Variants in ADGRB3 observed in about 807,000 individuals in gnomAD.
The protein encoded by ADGRB3 is brain-specific angiogenesis inhibitor 3.
A neutral mutation model predicts 193.4 loss-of-function variants in ADGRB3; 37 were observed. That is an observed-to-expected ratio of 0.19 (90% CI 0.15 to 0.25). ADGRB3 has a LOEUF of 0.25. Among genes scored for constraint, ADGRB3 ranks in the 10% least tolerant of loss-of-function variants. ADGRB3 has a pLI of 1.00. For missense variants in ADGRB3, 1,637 were observed against 1,852.9 expected, an observed-to-expected ratio of 0.88 and a Z score of 2.14; for synonymous variants, 690 against 644.2, an observed-to-expected ratio of 1.07 and a Z score of -1.08.
chr6:69,218,018 A>G (rs1367914891), intron 17 of ADGRB3, among the ~76,000 whole-genome samples: 3 of 151,564 alleles, frequency 2.0e-5, no homozygotes, highest in Non-Finnish European at 2.9e-5. Context: ...ATTTTTGCAT[A>G]TAACATTAAC....
intron 17 of ADGRB3, among the ~76,000 whole-genome samples, chr6:69,232,099 T>C (rs57060484): frequency 1.6e-3 from 241 of 152,298 alleles, no homozygotes; most frequent in African/African-American, 5.4e-3. Flanking sequence ...TCTTAGAGTT[T>C]TGAAGTAATT....
intron 17 of ADGRB3, among the ~76,000 whole-genome samples, chr6:69,217,638 C>A (rs1765795140): frequency 6.6e-6 from 1 of 152,184 alleles, no homozygotes; most frequent in Admixed American, 6.5e-5. Context: ...CATCTCAACT[C>A]TGGTTGGGCA....
chr6:69,301,553 T>A lies in ADGRB3; in HGVS notation c.2815-23319T>A, dbSNP rs564904519. ...ATTTTTCATCATGTTTAGTGCAATA[T>A]TGTAAATCTTGAATAACACCATGGG... On this transcript the variant is annotated intron_variant, in intron 20 of 31. Transcript: ENST00000370598. Among the ~76,000 whole-genome samples, 14 of 152,030 alleles carry A rather than the reference T, an allele frequency of 9.2e-5. No homozygotes were observed. In the South Asian group the frequency reaches 2.9e-3, roughly 31 times the overall value.
intron 3 of ADGRB3, among the ~76,000 whole-genome samples, chr6:68,810,332 C>G (rs1186147158): frequency 1.3e-5 from 2 of 152,178 alleles, no homozygotes; most frequent in African/African-American, 2.4e-5. Flanking sequence ...CCAACCCCAA[C>G]CCAAATGAGA....
chr6:69,148,911 G>C (rs1157900536), intron 17 of ADGRB3, among the ~76,000 whole-genome samples: 1 of 152,072 alleles, frequency 6.6e-6, no homozygotes, highest in East Asian at 1.9e-4. Context: ...CAGACATATT[G>C]GAGCTTCATT....
At chr6:69,233,506 A>T (rs888644461) in intron 18 of ADGRB3, 90 bp downstream of exon 18, 3 of 1,505,572 alleles carry the variant, frequency 2.0e-6, no homozygotes, top group Non-Finnish European at 2.7e-6. Context: ...TAAATGGGGA[A>T]ATGGAAAATG....
intron 3 of ADGRB3, among the ~76,000 whole-genome samples, chr6:68,862,689 G>GTTCAC (rs1765190720): frequency 6.6e-6 from 1 of 151,982 alleles, no homozygotes. Context: ...TAGTTTAAAG[G>GTTCAC]TCTGATATAT....
At chr6:69,214,671 A>C (rs1264559754) in intron 17 of ADGRB3, among the ~76,000 whole-genome samples, 1 of 151,830 alleles carries the variant, frequency 6.6e-6, no homozygotes, top group African/African-American at 2.4e-5. Context: ...TCAGGAGGGA[A>C]TAAGAAGTTT....
intron 3 of ADGRB3, among the ~76,000 whole-genome samples, chr6:68,666,573 G>T (rs1229912161): frequency 6.6e-6 from 1 of 151,684 alleles, no homozygotes; most frequent in East Asian, 1.9e-4. Context: ...TGTGGTTTTT[G>T]TAAATGCTCA....
rs534008688 is a variant in ADGRB3, at chr6:68,938,911, A to T, written c.1030+2231A>T. Among the ~76,000 whole-genome samples the T allele has an allele frequency of 9.9e-5, 15 of 152,260 alleles. No homozygotes were observed. The South Asian group carries it at 3.1e-3, about 32-fold the overall frequency. On this transcript the variant is annotated intron_variant, in intron 5 of 31. Coordinates refer to ENST00000370598, the MANE Select transcript of ADGRB3 (RefSeq NM_001704.3). ...ATCAGCCTGTGTTTGAATAGCCAAG[A>T]CCCTTTCAACATACAGGGATAGTAT... is the stretch of plus-strand genomic sequence containing the variant.
At chr6:69,256,638 G>A (rs1766778544) in intron 20 of ADGRB3, among the ~76,000 whole-genome samples, 1 of 152,124 alleles carries the variant, frequency 6.6e-6, no homozygotes, top group African/African-American at 2.4e-5. Flanking sequence ...ATACAATCAT[G>A]TCGTCTGCAA....
chr6:69,256,461 A>G (rs1766773847), intron 20 of ADGRB3, among the ~76,000 whole-genome samples: 2 of 151,986 alleles, frequency 1.3e-5, no homozygotes, highest in Admixed American at 1.3e-4. Context: ...TTCTCTTTGA[A>G]GCAATTGTGA....
chr6:69,073,949 G>C (rs1411594100), intron 16 of ADGRB3, among the ~76,000 whole-genome samples: 1 of 152,110 alleles, frequency 6.6e-6, no homozygotes, highest in Non-Finnish European at 1.5e-5. Context: ...ATTTGTAACA[G>C]ATCATTTTCA....
intron 17 of ADGRB3, chr6:69,232,265 T>G: frequency 2.0e-6 from 1 of 491,036 alleles, no homozygotes; most frequent in Non-Finnish European, 3.1e-6. Context: ...TTGAGCTCTA[T>G]AGCATTTTTT....
chr6:68,801,964 T>C (rs1388141376), intron 3 of ADGRB3, among the ~76,000 whole-genome samples: 1 of 152,110 alleles, frequency 6.6e-6, no homozygotes, highest in Non-Finnish European at 1.5e-5. Context: ...GCACATAATA[T>C]TGAAGCTGAC....
At chr6:69,259,292 T>C (rs1173298525) in intron 20 of ADGRB3, among the ~76,000 whole-genome samples, 1 of 152,164 alleles carries the variant, frequency 6.6e-6, no homozygotes, top group Non-Finnish European at 1.5e-5. Flanking sequence ...CTTAAAAGTC[T>C]TCAATAATTA....
At chr6:69,155,915 T>G (rs1329537658) in intron 17 of ADGRB3, among the ~76,000 whole-genome samples, 2 of 152,186 alleles carry the variant, frequency 1.3e-5, no homozygotes, top group Admixed American at 1.3e-4. Context: ...CCATTTTCAC[T>G]GATACAGCAA....
In ADGRB3 at chr6:68,720,652, A is replaced by G. The variant is rs1012837121; in HGVS notation, c.757+81220A>G. ...CATTCTTTGCATAGAATAAAGTACA[A>G]TATCTCAAATCAAGAAAAAATGAAA... On this transcript the variant is annotated intron_variant, in intron 3 of 31. Coordinates refer to ENST00000370598, the MANE Select transcript of ADGRB3 (RefSeq NM_001704.3). 2.0e-5 allele frequency among the ~76,000 whole-genome samples: 3 copies of G among 151,798 alleles called. No individual in the cohort carries two copies. The East Asian group carries it at 5.8e-4, about 29-fold the overall frequency.
In ADGRB3 at chr6:69,201,601, G is replaced by T. The variant is rs958177230; in HGVS notation, c.2481-31689G>T. Reference sequence around the variant, plus strand: ...ATTTTATTGATTCAAAATATCAAAAGTATATATTTTTATCTTCCTTATATG... The same window carrying T: ...ATTTTATTGATTCAAAATATCAAAATTATATATTTTTATCTTCCTTATATG... On this transcript the variant is annotated intron_variant, in intron 17 of 31. Coordinates refer to ENST00000370598, the MANE Select transcript of ADGRB3 (RefSeq NM_001704.3). 2.6e-5 allele frequency among the ~76,000 whole-genome samples: 4 copies of T among 152,092 alleles called. No individual in the cohort carries two copies. The East Asian group carries it at 5.8e-4, about 22-fold the overall frequency.
Sources: allele counts gnomAD v4.1 joint callset (sites outside exome capture counted in the v4.1 genomes callset), GRCh38; gene constraint gnomAD v4.1.1; transcripts MANE v1.5; gene names NCBI Gene and HGNC (gene_info 2026-07-23, HGNC 2026-07-21).